Variants in LHFPL3 observed in about 807,000 individuals in gnomAD.
LHFPL3 encodes LHFPL tetraspan subfamily member 3.
In LHFPL3, 5 loss-of-function variants were observed where a neutral mutation model predicts 19.3. That is an observed-to-expected ratio of 0.26 (90% confidence interval 0.14 to 0.54). The LOEUF is 0.54. LHFPL3 is among the 20% of genes least tolerant of loss of function. The pLI, the probability that LHFPL3 is intolerant of heterozygous loss-of-function variation, is 0.94. For missense variants in LHFPL3, 249 were observed against 307.4 expected, an observed-to-expected ratio of 0.81 and a Z score of 1.42; for synonymous variants, 133 against 126.2, an observed-to-expected ratio of 1.05 and a Z score of -0.36.
chr7:104,584,062 T>G (rs936358395), intron 1 of LHFPL3, among the ~76,000 whole-genome samples: 33 of 152,262 alleles, frequency 2.2e-4, no homozygotes, highest in African/African-American at 7.7e-4. Flanking sequence ...CCAACCCAAA[T>G]GTCCAACAAT....
At chr7:104,489,745 T>A (rs1793304975) in intron 1 of LHFPL3, among the ~76,000 whole-genome samples, 1 of 152,028 alleles carries the variant, frequency 6.6e-6, no homozygotes. Flanking sequence ...CGTACATGGA[T>A]GATATCCATA....
rs775488261 is a variant in LHFPL3 at position 104,616,814 on chromosome 7, AC to A, written c.446-119860del. Among the ~76,000 whole-genome samples, 37 of 152,294 alleles carry A rather than the reference AC, an allele frequency of 2.4e-4. No homozygotes were observed. In the East Asian group the frequency reaches 3.1e-3, roughly 13 times the overall value. ...CTTAAACAAATTTACAGGAAAAAAAACAATCCCATCAAAAAGTGGGTGAAGG... is the reference window on the plus strand; with the variant it reads ...CTTAAACAAATTTACAGGAAAAAAAAAATCCCATCAAAAAGTGGGTGAAGG... On this transcript the variant is annotated intron_variant, in intron 1 of 2. Transcript: ENST00000424859.
chr7:104,689,743 C>A (rs1792874335), intron 1 of LHFPL3, among the ~76,000 whole-genome samples: 1 of 152,140 alleles, frequency 6.6e-6, no homozygotes. Context: ...TTCCAGGGGA[C>A]CCAAAGTATC....
chr7:104,620,835 T>C (rs1213915086), intron 1 of LHFPL3, among the ~76,000 whole-genome samples: 1 of 152,228 alleles, frequency 6.6e-6, no homozygotes, highest in Non-Finnish European at 1.5e-5. Context: ...GCTGGACTGA[T>C]AGCCAGAGTG....
rs963019557 is a variant in LHFPL3 at position 104,831,688 on chromosome 7, T to C, written c.683-74499T>C. 2.6e-5 allele frequency among the ~76,000 whole-genome samples: 4 copies of C among 151,680 alleles called. No individual in the cohort carries two copies. The East Asian group carries it at 7.7e-4, about 29-fold the overall frequency. ...TCTCATTTGAAAAATAAAAATGCAG[T>C]GGGGATTTTTCTCCTTCACACACAC... On this transcript the variant is annotated intron_variant, in intron 2 of 2. Coordinates refer to ENST00000424859, the MANE Select transcript of LHFPL3 (RefSeq NM_199000.3).
chr7:104,624,970 A>G (rs1187886558), intron 1 of LHFPL3, among the ~76,000 whole-genome samples: 4 of 152,242 alleles, frequency 2.6e-5, no homozygotes, highest in African/African-American at 9.6e-5. Flanking sequence ...GATAATAAAC[A>G]TTGTGTTTTT....
At chr7:104,763,347 T>C (rs536244031) in intron 2 of LHFPL3, among the ~76,000 whole-genome samples, 3 of 152,334 alleles carry the variant, frequency 2.0e-5, no homozygotes, top group Non-Finnish European at 4.4e-5. Flanking sequence ...TTCAAGAGCC[T>C]GTCATTCACA....
At chr7:104,580,125 A>T (rs542274405) in intron 1 of LHFPL3, among the ~76,000 whole-genome samples, 1 of 152,174 alleles carries the variant, frequency 6.6e-6, no homozygotes, top group South Asian at 2.1e-4. Flanking sequence ...TAAAATACTC[A>T]CTCATCTTTA....
chr7:104,774,261 G>A (rs1327502869), intron 2 of LHFPL3, among the ~76,000 whole-genome samples: 1 of 152,202 alleles, frequency 6.6e-6, no homozygotes, highest in Non-Finnish European at 1.5e-5. Context: ...AAATTAAAAT[G>A]ATATTCATAA....
intron 1 of LHFPL3, among the ~76,000 whole-genome samples, chr7:104,577,763 G>T (rs1458682179): frequency 6.6e-6 from 1 of 152,116 alleles, no homozygotes; most frequent in Non-Finnish European, 1.5e-5. Flanking sequence ...TTGAACTGTG[G>T]CTCCGTGAGT....
chr7:104,696,400 G>A (rs918944063), intron 1 of LHFPL3, among the ~76,000 whole-genome samples: 29 of 152,044 alleles, frequency 1.9e-4, no homozygotes, highest in African/African-American at 6.8e-4. Context: ...AAGCAGAGGG[G>A]TGAAAGTTTA....
intron 1 of LHFPL3, among the ~76,000 whole-genome samples, chr7:104,630,894 C>T (rs1791627254): frequency 6.6e-6 from 1 of 152,056 alleles, no homozygotes. Flanking sequence ...AAGAGCTGTC[C>T]ACACCCACCC....
At chr7:104,755,254 T>C (rs906181581) in intron 2 of LHFPL3, among the ~76,000 whole-genome samples, 1 of 151,834 alleles carries the variant, frequency 6.6e-6, no homozygotes, top group Non-Finnish European at 1.5e-5. Context: ...GTCTCTGCTA[T>C]GTCACATTTG....
chr7:104,774,470 C>A (rs1040410531), intron 2 of LHFPL3, among the ~76,000 whole-genome samples: 18 of 152,180 alleles, frequency 1.2e-4, no homozygotes, highest in Non-Finnish European at 2.9e-5. Context: ...CAGAATTTGG[C>A]CCCAGGCAGC....
At chr7:104,829,410 A>G (rs922048509) in intron 2 of LHFPL3, among the ~76,000 whole-genome samples, 5 of 151,660 alleles carry the variant, frequency 3.3e-5, no homozygotes, top group Admixed American at 6.6e-5. Context: ...TACATGTGCC[A>G]TGTTGGTGTG....
chr7:104,723,866 G>A (rs754809846), intron 1 of LHFPL3, among the ~76,000 whole-genome samples: 7 of 151,692 alleles, frequency 4.6e-5, no homozygotes, highest in African/African-American at 9.7e-5. Context: ...CCCATTTTTG[G>A]ATAATAGTCC....
intron 2 of LHFPL3, among the ~76,000 whole-genome samples, chr7:104,811,866 G>C (rs1790477361): frequency 6.6e-6 from 1 of 152,162 alleles, no homozygotes. Flanking sequence ...CATTATGAGA[G>C]AAAGCTGTTT....
At chr7:104,579,062 T>A (rs1414513339) in intron 1 of LHFPL3, among the ~76,000 whole-genome samples, 1 of 152,212 alleles carries the variant, frequency 6.6e-6, no homozygotes, top group African/African-American at 2.4e-5. Context: ...ACTGCTTATG[T>A]TGCCCCATTT....
intron 1 of LHFPL3, among the ~76,000 whole-genome samples, chr7:104,428,769 A>G (rs1791895488): frequency 6.6e-6 from 1 of 152,178 alleles, no homozygotes; most frequent in South Asian, 2.1e-4. Context: ...GGATGACAAA[A>G]TATGTTTCTA....
Sources: allele counts gnomAD v4.1 joint callset (sites outside exome capture counted in the v4.1 genomes callset), GRCh38; gene constraint gnomAD v4.1.1; transcripts MANE v1.5; gene names NCBI Gene and HGNC (gene_info 2026-07-23, HGNC 2026-07-21).